Variants in GREB1 observed in about 807,000 individuals in gnomAD.
The protein encoded by GREB1 is growth regulating estrogen receptor binding 1, also known as protein GREB1.
A neutral mutation model predicts 200.7 loss-of-function variants in GREB1; 106 were observed. The ratio of observed to expected loss-of-function variants is 0.53; its 90% CI spans 0.45 to 0.62. The LOEUF is 0.62. Ranked by LOEUF, GREB1 falls within the 20% of genes least tolerant of loss-of-function variation. The pLI is 0.00. For missense variants in GREB1, 2,243 were observed against 2,556.8 expected, an observed-to-expected ratio of 0.88 and a Z score of 2.65; for synonymous variants, 1,132 against 1,092.4, an observed-to-expected ratio of 1.04 and a Z score of -0.72.
Position 11,485,273 on chromosome 2 carries a change from GTA to G in GREB1, c.-159+2894_-159+2895del, listed in dbSNP as rs1322607228. 1.7e-4 allele frequency among the ~76,000 whole-genome samples: 11 copies of G among 66,436 alleles called. No homozygotes were observed. In the South Asian group the frequency reaches 6.1e-3, roughly 37 times the overall value. 43.6% of individuals were successfully genotyped at this position (66,436 alleles called of 152,430 possible). A position where few individuals can be genotyped will look rare whatever the true frequency, so the allele number is the denominator to read the frequency against. On this transcript the variant is annotated intron_variant, in intron 1 of 2. Transcript: ENST00000628795. ...TTTATTTTATTTTATATATATATAT[GTA>G]TTTTTTTTTTTTTTTGAGACAGAGT...
Position 11,580,774 on chromosome 2 carries a change from G to C in GREB1, c.843G>C (p.Pro281=), listed in dbSNP as rs16857665. Residue 281 remains proline, a synonymous_variant, in exon 7 of 33, where the codon CCG becomes CCC. Transcript: ENST00000381486. The surrounding 1 kb of genome is among the most constrained non-coding windows in gnomAD (Gnocchi z 4.5). ...CTGTTTTCAACGGCAAAGATTCCCCGAAGTGCCAACAACTGGCAAAGAATA... is the reference window on the plus strand; with the variant it reads ...CTGTTTTCAACGGCAAAGATTCCCCCAAGTGCCAACAACTGGCAAAGAATA... ...GPAVFNGKDS[P]KCQQLAKNNL... is the part of the protein sequence containing the mutation. 4 of 1,614,146 alleles carry C rather than the reference G, an allele frequency of 2.5e-6. No individual in the cohort carries two copies. The Admixed American group carries it at 6.7e-5, about 27-fold the overall frequency.
At chr2:11,559,565 G>A (rs1005059856) in intron 2 of GREB1, among the ~76,000 whole-genome samples, 15 of 152,170 alleles carry the variant, frequency 9.9e-5, no homozygotes, top group African/African-American at 3.4e-4. Flanking sequence ...CTTGGGGGCT[G>A]CTGGTTTTAG....
intron 4 of GREB1, among the ~76,000 whole-genome samples, chr2:11,567,319 T>A (rs187846611): frequency 6.6e-6 from 1 of 152,152 alleles, no homozygotes; most frequent in Non-Finnish European, 1.5e-5. Flanking sequence ...GAGATGGGGT[T>A]TCACCATGTT....
intron 26 of GREB1, among the ~76,000 whole-genome samples, chr2:11,630,759 C>T (rs1019675231): frequency 6.6e-6 from 1 of 152,162 alleles, no homozygotes; most frequent in Non-Finnish European, 1.5e-5. Flanking sequence ...TTGAAGAGGT[C>T]GTTCTGAACG....
Position 11,640,487 on chromosome 2 carries a change from G to GT in GREB1, c.*34dup. 6.2e-7 allele frequency: 1 copy of GT among 1,611,402 alleles called. No individual in the cohort carries two copies. Among genetic ancestry groups the GT allele is most frequent in the African/African-American group, 1.3e-5 (1 of 75,004 alleles). ...AGCGGCGAGTTTTCTGAAGAGATGA[G>GT]TGCTCAGAGCCCTCATGCTGTTGAG... On this transcript the variant is annotated 3_prime_UTR_variant, in exon 33 of 33. Transcript: ENST00000381486. The surrounding 1 kb of genome is among the most constrained non-coding windows in gnomAD (Gnocchi z 4.6).
chr2:11,483,005 CGCGGGGCTGT>C (rs1363184364), intron 1 of GREB1, among the ~76,000 whole-genome samples: 1 of 151,342 alleles, frequency 6.6e-6, no homozygotes, highest in Non-Finnish European at 1.5e-5. Flanking sequence ...GGAGCGGGGG[CGCGGGGCTGT>C]GCGGGGCTGC....
At position 11,629,085 on chromosome 2, in the gene GREB1, C is replaced by T. The variant is rs960868542; in HGVS notation, c.4450-863C>T. Among the ~76,000 whole-genome samples, 48 of 152,210 alleles carry T rather than the reference C, an allele frequency of 3.2e-4. No homozygotes were observed. Among genetic ancestry groups the T allele is most frequent in the Non-Finnish European group, 5.1e-4 (35 of 68,044 alleles). ...CCCGAGTCAAAATCCCTTTCTCCCTCATCTCTGCTCCCAAAGAAAGGGCTC... is the reference window on the plus strand; with the variant it reads ...CCCGAGTCAAAATCCCTTTCTCCCTTATCTCTGCTCCCAAAGAAAGGGCTC... On this transcript the variant is annotated intron_variant, in intron 25 of 32. Transcript: ENST00000381486. The surrounding 1 kb of genome is among the most constrained non-coding windows in gnomAD (Gnocchi z 5.2).
At chr2:11,584,289 A>G (rs182197904) in intron 7 of GREB1, among the ~76,000 whole-genome samples, 13 of 152,326 alleles carry the variant, frequency 8.5e-5, no homozygotes, top group Non-Finnish European at 1.8e-4. Flanking sequence ...ATTCACGAAG[A>G]TAGTTTGAGT....
At chr2:11,610,206 C>A (rs1294118091) in intron 17 of GREB1, among the ~76,000 whole-genome samples, 1 of 152,204 alleles carries the variant, frequency 6.6e-6, no homozygotes, top group Non-Finnish European at 1.5e-5. Context: ...TCTAATAATT[C>A]ACTGTGATCG....
chr2:11,588,990 C>A (rs111455475), intron 10 of GREB1, 59 bp downstream of exon 10: 2 of 1,418,788 alleles, frequency 1.4e-6, no homozygotes, highest in Admixed American at 1.7e-5. Flanking sequence ...CGAGCACAGA[C>A]CTGGCCTCGG....
At chr2:11,491,009 A>G (rs908184456) in intron 1 of GREB1, among the ~76,000 whole-genome samples, 1 of 152,134 alleles carries the variant, frequency 6.6e-6, no homozygotes, top group Non-Finnish European at 1.5e-5. Flanking sequence ...GGTTCCTTGT[A>G]TGGGGGTTCC....
chr2:11,512,275 T>G (rs1206864166), intron 1 of GREB1, among the ~76,000 whole-genome samples: 1 of 152,252 alleles, frequency 6.6e-6, no homozygotes, highest in Non-Finnish European at 1.5e-5. Flanking sequence ...GGAATTTGTG[T>G]CTTGGGAATC....
intron 32 of GREB1, among the ~76,000 whole-genome samples, chr2:11,639,083 TTTTC>T (rs1252569044): frequency 2.0e-5 from 3 of 152,176 alleles, no homozygotes; most frequent in African/African-American, 7.2e-5. Flanking sequence ...TTTGTGTTTC[TTTTC>T]TTTCTTTCTT....
chr2:11,491,150 G>C (rs1230663681), intron 1 of GREB1, among the ~76,000 whole-genome samples: 3 of 152,110 alleles, frequency 2.0e-5, no homozygotes, highest in Non-Finnish European at 4.4e-5. Context: ...TAGATCCATT[G>C]TTTTTATAGG....
chr2:11,596,307 G>A, intron 13 of GREB1, 68 bp downstream of exon 13: 1 of 1,453,004 alleles, frequency 6.9e-7, no homozygotes, highest in Non-Finnish European at 9.5e-7. Context: ...CAGGGTCAGT[G>A]GGCGCAGGTG....
At chr2:11,491,522 T>C (rs1188177493) in intron 1 of GREB1, among the ~76,000 whole-genome samples, 2 of 152,236 alleles carry the variant, frequency 1.3e-5, no homozygotes, top group East Asian at 1.9e-4. Flanking sequence ...CAGAATGTAA[T>C]ATGATATGAC....
chr2:11,577,311 G>A (rs570744476), intron 5 of GREB1, among the ~76,000 whole-genome samples: 8 of 152,262 alleles, frequency 5.3e-5, no homozygotes, highest in Admixed American at 1.3e-4. Flanking sequence ...GGACGGCCCC[G>A]AGCACAAAGA....
chr2:11,498,152 T>C (rs763213685), intron 1 of GREB1, among the ~76,000 whole-genome samples: 1 of 152,084 alleles, frequency 6.6e-6, no homozygotes, highest in Non-Finnish European at 1.5e-5. Flanking sequence ...TTATGGATTG[T>C]ACTTTTGATG....
chr2:11,587,689 A>G, intron 9 of GREB1: 1 of 1,291,412 alleles, frequency 7.7e-7, no homozygotes, highest in South Asian at 1.6e-5. Context: ...CCTGGAGTAC[A>G]AGATAACACA....
Sources: gnomAD v4.1 joint callset for allele counts (sites outside exome capture counted in the v4.1 genomes callset) on GRCh38, gnomAD v4.1.1 for gene constraint, Gnocchi (gnomAD v3.1) non-coding constraint, MANE v1.5 for transcripts, NCBI Gene and HGNC (gene_info 2026-07-23, HGNC 2026-07-21) for gene names.